DDX10: variants seen among roughly 807,000 people sequenced by gnomAD.
The protein encoded by DDX10 is probable ATP-dependent RNA helicase DDX10.
In DDX10, 74 loss-of-function variants were observed where a neutral mutation model predicts 104.3. The ratio of observed to expected loss-of-function variants is 0.71; its 90% CI spans 0.59 to 0.86. The LOEUF is 0.86. DDX10 is among the 40% of genes least tolerant of loss of function. The pLI is 0.00. For synonymous variants in DDX10, 351 were observed against 353.4 expected (o/e 0.99, Z 0.08); for missense variants, 952 against 1,040.0 (o/e 0.92, Z 1.16).
chr11:108,775,852 C>T (rs2094369169), intron 13 of DDX10, among the ~76,000 whole-genome samples: 1 of 152,196 alleles, frequency 6.6e-6, no homozygotes, highest in African/African-American at 2.4e-5. Flanking sequence ...ACTATTATTT[C>T]ATTTACCATG....
At chr11:108,828,520 A>G (rs1214203893) in intron 13 of DDX10, among the ~76,000 whole-genome samples, 4 of 152,050 alleles carry the variant, frequency 2.6e-5, no homozygotes, top group African/African-American at 9.6e-5. Flanking sequence ...CCATTTCTTT[A>G]TCCACATTTT....
In DDX10 at chr11:108,688,408, C is replaced by T. The variant is rs577122442; in HGVS notation, c.849-528C>T. On this transcript the variant is annotated intron_variant, in intron 6 of 17. Transcript: ENST00000322536. ...CTTTCATCCATCCCTTCTATATTAA[C>T]CCATTTTATTTTTGATGGATTTCAG... Among the ~76,000 whole-genome samples, 12 of 152,298 alleles carry T rather than the reference C, an allele frequency of 7.9e-5. No individual in the cohort carries two copies. In the South Asian group the frequency reaches 2.5e-3, roughly 32 times the overall value.
At chr11:108,924,174 A>G (rs770076516) in intron 17 of DDX10, among the ~76,000 whole-genome samples, 16 of 152,320 alleles carry the variant, frequency 1.1e-4, no homozygotes, top group East Asian at 1.9e-4. Flanking sequence ...AATTTTTAAT[A>G]TATATAATCT....
intron 16 of DDX10, among the ~76,000 whole-genome samples, chr11:108,893,504 C>T (rs954440459): frequency 1.3e-5 from 2 of 151,652 alleles, no homozygotes; most frequent in Non-Finnish European, 2.9e-5. Context: ...TAAATGTTAA[C>T]CCATAAATAA....
intron 9 of DDX10, among the ~76,000 whole-genome samples, chr11:108,696,810 A>T (rs910468427): frequency 1.3e-5 from 2 of 152,020 alleles, no homozygotes; most frequent in Non-Finnish European, 2.9e-5. Flanking sequence ...AGTGGTATTG[A>T]TGGGGACAGG....
intron 13 of DDX10, among the ~76,000 whole-genome samples, chr11:108,739,432 G>C (rs1026311110): frequency 2.0e-5 from 3 of 152,200 alleles, no homozygotes; most frequent in South Asian, 2.1e-4. Context: ...ACTGCTGTTA[G>C]AGCACTCAGC....
intron 13 of DDX10, among the ~76,000 whole-genome samples, chr11:108,763,081 C>CT (rs1312090230): frequency 7.9e-5 from 12 of 152,162 alleles, no homozygotes; most frequent in African/African-American, 2.7e-4. Flanking sequence ...CTTGAGCAGG[C>CT]TTCACTACAG....
At chr11:108,913,180 T>G (rs1042348744) in intron 16 of DDX10, among the ~76,000 whole-genome samples, 1 of 152,002 alleles carries the variant, frequency 6.6e-6, no homozygotes, top group Non-Finnish European at 1.5e-5. Flanking sequence ...CCCAAGGTGG[T>G]CGGGGCACAG....
At chr11:108,668,733 C>T (rs953959361) in intron 1 of DDX10, among the ~76,000 whole-genome samples, 1 of 152,088 alleles carries the variant, frequency 6.6e-6, no homozygotes, top group Non-Finnish European at 1.5e-5. Flanking sequence ...AAAAAAAATA[C>T]GTGCCCAAGT....
At chr11:108,925,354 A>G (rs986890453) in intron 17 of DDX10, among the ~76,000 whole-genome samples, 2 of 152,120 alleles carry the variant, frequency 1.3e-5, no homozygotes, top group African/African-American at 2.4e-5. Flanking sequence ...GTCAACCATT[A>G]TATATAACTT....
At chr11:108,759,605 A>G (rs1466015183) in intron 13 of DDX10, among the ~76,000 whole-genome samples, 3 of 152,048 alleles carry the variant, frequency 2.0e-5, no homozygotes, top group Non-Finnish European at 4.4e-5. Flanking sequence ...TTTATAGCCA[A>G]CAACTCTTGA....
At chr11:108,824,692 C>T (rs1321081723) in intron 13 of DDX10, among the ~76,000 whole-genome samples, 1 of 152,074 alleles carries the variant, frequency 6.6e-6, no homozygotes, top group African/African-American at 2.4e-5. Context: ...TTAAAAGTAG[C>T]AGGTTAAAAA....
At chr11:108,720,911 T>TA (rs55903808) in intron 12 of DDX10, among the ~76,000 whole-genome samples, 3 of 150,992 alleles carry the variant, frequency 2.0e-5, no homozygotes, top group African/African-American at 7.3e-5. Context: ...TTTTTTTTTT[T>TA]AAACCTTTTG....
intron 15 of DDX10, among the ~76,000 whole-genome samples, chr11:108,844,962 C>G (rs190598189): frequency 6.6e-6 from 1 of 151,950 alleles, no homozygotes; most frequent in Non-Finnish European, 1.5e-5. Flanking sequence ...TTTGGGAGGC[C>G]GAGGTGGGCA....
At chr11:108,771,557 G>A (rs187408980) in intron 13 of DDX10, among the ~76,000 whole-genome samples, 17 of 152,142 alleles carry the variant, frequency 1.1e-4, no homozygotes, top group African/African-American at 3.9e-4. Flanking sequence ...GTGTTAGCCA[G>A]GATGGTCTCG....
chr11:108,715,977 T>G lies in DDX10; in HGVS notation c.1410+11T>G. The G allele has an allele frequency of 7.2e-7, 1 of 1,383,790 alleles. No homozygotes were observed. The highest frequency in any genetic ancestry group is 1.0e-6 in the Non-Finnish European group (1 of 977,682). The allele number at this position is 1,383,790 out of a possible 1,614,324, so 85.7% of individuals were successfully genotyped here. On this transcript the variant is annotated intron_variant, in intron 11 of 17. Transcript: ENST00000322536. ...GAAAGAGCTCAAAGGGTAAGTCATT[T>G]TTCAGTTGGATACTTTCATTGACTG...
chr11:108,827,101 T>G (rs1221182427), intron 13 of DDX10, among the ~76,000 whole-genome samples: 1 of 152,208 alleles, frequency 6.6e-6, no homozygotes, highest in Non-Finnish European at 1.5e-5. Context: ...GTTTTCTAAT[T>G]AAAAATTTGT....
intron 16 of DDX10, among the ~76,000 whole-genome samples, chr11:108,890,717 A>G (rs906294809): frequency 6.6e-6 from 1 of 152,156 alleles, no homozygotes; most frequent in African/African-American, 2.4e-5. Context: ...ACTGAGTTCT[A>G]TTCCACAGAG....
intron 16 of DDX10, among the ~76,000 whole-genome samples, chr11:108,871,256 G>A (rs770423871): frequency 1.3e-5 from 2 of 152,164 alleles, no homozygotes; most frequent in Non-Finnish European, 2.9e-5. Flanking sequence ...AGTGAAAGGG[G>A]TTGCAGTGAC....
Sources: gnomAD v4.1 joint callset for allele counts (sites outside exome capture counted in the v4.1 genomes callset) on GRCh38, gnomAD v4.1.1 for gene constraint, MANE v1.5 for transcripts, NCBI Gene and HGNC (gene_info 2026-07-23, HGNC 2026-07-21) for gene names.